Variants in NOL4 observed in about 807,000 individuals in gnomAD.
NOL4 encodes nucleolar protein 4, also known as cancer/testis antigen 125.
Under a neutral mutation model 75.9 loss-of-function variants are expected in NOL4, and 17 were observed. The ratio of observed to expected loss-of-function variants is 0.22; its 90% CI spans 0.15 to 0.34. The LOEUF (loss-of-function observed/expected upper bound fraction) is 0.34. NOL4 is among the 10% of genes least tolerant of loss of function. NOL4 has a pLI of 1.00. For synonymous variants in NOL4, 292 were observed against 289.9 expected (o/e 1.01, Z -0.07); for missense variants, 614 against 793.5 (o/e 0.77, Z 2.72).
chr18:34,052,690 T>C (rs1234523316), intron 5 of NOL4, among the ~76,000 whole-genome samples: 1 of 152,064 alleles, frequency 6.6e-6, no homozygotes, highest in Admixed American at 6.6e-5. Flanking sequence ...AGTATTATAG[T>C]ACAGATGGAC....
intron 9 of NOL4, among the ~76,000 whole-genome samples, chr18:33,893,700 A>G (rs1371995512): frequency 6.6e-6 from 1 of 152,164 alleles, no homozygotes; most frequent in Non-Finnish European, 1.5e-5. Context: ...TTACTGCTAT[A>G]TTCAGTAATA....
chr18:34,170,623 T>G (rs1009867187), intron 1 of NOL4, among the ~76,000 whole-genome samples: 1 of 152,224 alleles, frequency 6.6e-6, no homozygotes, highest in African/African-American at 2.4e-5. Context: ...TTTTTATCTG[T>G]TTTTACTTTA....
chr18:33,854,505 C>T (rs2062754709), intron 10 of NOL4, among the ~76,000 whole-genome samples: 1 of 152,020 alleles, frequency 6.6e-6, no homozygotes, highest in African/African-American at 2.4e-5. Flanking sequence ...CATTTGCAAA[C>T]AGAAGTTACT....
intron 8 of NOL4, among the ~76,000 whole-genome samples, chr18:33,956,716 C>A (rs1448135139): frequency 6.6e-6 from 1 of 152,122 alleles, no homozygotes; most frequent in Non-Finnish European, 1.5e-5. Context: ...AACATAATCT[C>A]ATCTGTCTAT....
intron 10 of NOL4, among the ~76,000 whole-genome samples, chr18:33,877,163 A>C (rs934911403): frequency 9.9e-5 from 15 of 152,038 alleles, no homozygotes; most frequent in African/African-American, 3.6e-4. Context: ...GTGTACACAG[A>C]CAGCCTGAAG....
chr18:34,110,076 A>G (rs1388749238), intron 2 of NOL4, among the ~76,000 whole-genome samples: 1 of 141,372 alleles, frequency 7.1e-6, no homozygotes, highest in African/African-American at 2.6e-5. Context: ...CAAACATTCC[A>G]AGAAGAATTA....
intron 9 of NOL4, among the ~76,000 whole-genome samples, chr18:33,901,367 C>G (rs1292101921): frequency 6.6e-6 from 1 of 151,994 alleles, no homozygotes; most frequent in Non-Finnish European, 1.5e-5. Context: ...TGTTCACAGG[C>G]TTTAAAAATG....
At chr18:34,217,932 A>G (rs2037027854) in intron 1 of NOL4, among the ~76,000 whole-genome samples, 1 of 152,112 alleles carries the variant, frequency 6.6e-6, no homozygotes, top group African/African-American at 2.4e-5. Flanking sequence ...AGTAAACGTC[A>G]GAGCCAGGAT....
chr18:34,135,121 A>G (rs2080836953), intron 1 of NOL4, among the ~76,000 whole-genome samples: 1 of 152,158 alleles, frequency 6.6e-6, no homozygotes, highest in Admixed American at 6.6e-5. Flanking sequence ...CTAAAAGGCA[A>G]TATGTGAAAA....
chr18:34,103,898 C>G (rs1369605306), intron 4 of NOL4, 149 bp downstream of exon 4: 3 of 553,804 alleles, frequency 5.4e-6, no homozygotes, highest in Non-Finnish European at 9.9e-6. Context: ...TTTCTGCTCA[C>G]TTTTCCCATC....
At chr18:33,890,208 G>A (rs769838964) in intron 9 of NOL4, among the ~76,000 whole-genome samples, 1 of 152,098 alleles carries the variant, frequency 6.6e-6, no homozygotes, top group Non-Finnish European at 1.5e-5. Context: ...CAAAACCAAT[G>A]TGCAAAAATC....
At chr18:34,151,175 A>T (rs1367219160) in intron 1 of NOL4, among the ~76,000 whole-genome samples, 1 of 151,680 alleles carries the variant, frequency 6.6e-6, no homozygotes, top group Non-Finnish European at 1.5e-5. Flanking sequence ...AACTAAACAT[A>T]CTCTTGTCAT....
In NOL4 at chr18:33,962,524, GCTTT is replaced by G. The variant is rs565548477; in HGVS notation, c.1057-4110_1057-4107del. On this transcript the variant is annotated intron_variant, in intron 6 of 10. Coordinates refer to ENST00000261592, the MANE Select transcript of NOL4 (RefSeq NM_003787.5). ...TGCAATGATAACATATGTGTAGCAT[GCTTT>G]AAGGATCATACTAACATATCATAAC... is the stretch of plus-strand genomic sequence containing the variant. Among the ~76,000 whole-genome samples the G allele has an allele frequency of 2.2e-3, 331 of 152,304 alleles. 1 individual carries two copies. The highest frequency in any genetic ancestry group is 0.014 in the Middle Eastern group (4 of 294).
chr18:34,015,540 C>G (rs889512054), intron 6 of NOL4, among the ~76,000 whole-genome samples: 2 of 151,856 alleles, frequency 1.3e-5, no homozygotes, highest in East Asian at 3.9e-4. Context: ...CCACAAATTC[C>G]TTTTATATCA....
Position 34,143,742 on chromosome 18 carries a change from G to A in NOL4, c.265-13722C>T, listed in dbSNP as rs539744457. On this transcript the variant is annotated intron_variant, in intron 1 of 10. Transcript: ENST00000261592. ...TAGCCAGGTGTGGTGGCACGCACCT[G>A]TAATCCCAGCTACTCAGGAGGCTGA... is the stretch of plus-strand genomic sequence containing the variant. Among the ~76,000 whole-genome samples, 243 of 151,618 alleles carry A rather than the reference G, an allele frequency of 1.6e-3. 3 individuals are homozygous for A. The highest frequency in any genetic ancestry group is 0.014 in the Middle Eastern group (4 of 294).
rs73414348 is a variant in NOL4 at position 33,901,790 on chromosome 18, A to G, written c.1543-18366T>C. ...AAGATGTGGGCTTTGATGAGAGAAT[A>G]AATTATAAGACATGTAAAGCTGTGT... On this transcript the variant is annotated intron_variant, in intron 9 of 10. Transcript: ENST00000261592. 4.9e-3 allele frequency among the ~76,000 whole-genome samples: 745 copies of G among 152,214 alleles called. 11 individuals are homozygous for G. The highest frequency in any genetic ancestry group is 0.017 in the African/African-American group (700 of 41,588).
At chr18:33,917,132 A>G (rs919599292) in intron 9 of NOL4, among the ~76,000 whole-genome samples, 1 of 152,158 alleles carries the variant, frequency 6.6e-6, no homozygotes, top group African/African-American at 2.4e-5. Flanking sequence ...CCAGGAGCCT[A>G]GATTATGCAA....
intron 1 of NOL4, among the ~76,000 whole-genome samples, chr18:34,194,556 G>A (rs2035183766): frequency 6.6e-6 from 1 of 151,102 alleles, no homozygotes; most frequent in Non-Finnish European, 1.5e-5. Context: ...AAGTAAGCTG[G>A]GAAAAAAAAT....
rs556084715 is a variant in NOL4 at position 34,003,698 on chromosome 18, C to T, written c.1056+15620G>A. Reference sequence around the variant, plus strand: ...CCCTAGTGCCCATCATTCTCATACACACTTCACACTCTCCTGTTCTTCAGC... The same window carrying T: ...CCCTAGTGCCCATCATTCTCATACATACTTCACACTCTCCTGTTCTTCAGC... On this transcript the variant is annotated intron_variant, in intron 6 of 10. Transcript: ENST00000261592. 5.9e-5 allele frequency among the ~76,000 whole-genome samples: 9 copies of T among 152,204 alleles called. No individual in the cohort carries two copies. In the South Asian group the frequency reaches 1.9e-3, roughly 32 times the overall value.
Sources: gnomAD v4.1 joint callset for allele counts (sites outside exome capture counted in the v4.1 genomes callset) on GRCh38, gnomAD v4.1.1 for gene constraint, MANE v1.5 for transcripts, NCBI Gene and HGNC (gene_info 2026-07-23, HGNC 2026-07-21) for gene names.